Variants in TPD52L1 observed in about 807,000 individuals in gnomAD.
TPD52L1 encodes tumor protein D53.
TPD52L1 carries 18 observed loss-of-function variants against 28.7 expected under a neutral mutation model. The observed-to-expected ratio is 0.63, with a 90% CI of 0.43 to 0.93. The LOEUF (loss-of-function observed/expected upper bound fraction) is 0.93, where lower values mean the gene tolerates loss of function less well. TPD52L1 is among the 40% of genes least tolerant of loss of function. TPD52L1 has a pLI of 0.00. For synonymous variants in TPD52L1, 75 were observed against 88.8 expected (o/e 0.84, Z 0.88); for missense variants, 203 against 254.8 (o/e 0.80, Z 1.39).
intron 1 of TPD52L1, among the ~76,000 whole-genome samples, chr6:125,160,218 A>T (rs1163308801): frequency 1.3e-5 from 2 of 152,028 alleles, no homozygotes; most frequent in African/African-American, 4.8e-5. Flanking sequence ...AGAAAGAAAT[A>T]TTTTTTTTCT....
chr6:125,196,012 C>T (rs775546991), intron 1 of TPD52L1, among the ~76,000 whole-genome samples: 3 of 152,184 alleles, frequency 2.0e-5, no homozygotes, highest in Non-Finnish European at 2.9e-5. Context: ...ATGCCCCTTA[C>T]ATCATACTAT....
chr6:125,239,914 G>C (rs1325953680), intron 3 of TPD52L1, among the ~76,000 whole-genome samples: 3 of 152,150 alleles, frequency 2.0e-5, no homozygotes, highest in Non-Finnish European at 4.4e-5. Flanking sequence ...CCAAGGTCTA[G>C]AAGAGTTTTT....
At chr6:125,207,069 T>G (rs552110214) in intron 1 of TPD52L1, among the ~76,000 whole-genome samples, 1 of 152,216 alleles carries the variant, frequency 6.6e-6, no homozygotes, top group East Asian at 1.9e-4. Flanking sequence ...GTTTTTGTCT[T>G]AGGGGATTAA....
chr6:125,216,648 A>G (rs1794915084), intron 1 of TPD52L1, among the ~76,000 whole-genome samples: 1 of 150,144 alleles, frequency 6.7e-6, no homozygotes, highest in African/African-American at 2.4e-5. Flanking sequence ...GGGTAATATG[A>G]TTAATGTTGA....
intron 1 of TPD52L1, chr6:125,203,672 G>C (rs1361924326): frequency 1.0e-6 from 1 of 985,278 alleles, no homozygotes; most frequent in Admixed American, 6.2e-5. Flanking sequence ...ATGACCTCAG[G>C]TCAGGAATAA....
At chr6:125,242,120 T>C (rs978814204) in intron 3 of TPD52L1, among the ~76,000 whole-genome samples, 2 of 152,080 alleles carry the variant, frequency 1.3e-5, no homozygotes, top group African/African-American at 4.8e-5. Context: ...TATCTATATA[T>C]TTGTATAGTT....
At chr6:125,248,582 G>A (rs1562377785) in intron 4 of TPD52L1, 199 bp downstream of exon 4, 2 of 530,388 alleles carry the variant, frequency 3.8e-6, no homozygotes, top group Middle Eastern at 4.8e-4. Context: ...GGCTTAGGTG[G>A]CCTGGTCCCA....
At chr6:125,176,586 C>T (rs1791836481) in intron 1 of TPD52L1, among the ~76,000 whole-genome samples, 2 of 152,120 alleles carry the variant, frequency 1.3e-5, no homozygotes, top group African/African-American at 2.4e-5. Flanking sequence ...TGGCCTTATA[C>T]TAATACAGTA....
At chr6:125,228,596 T>G (rs1795759592) in intron 2 of TPD52L1, among the ~76,000 whole-genome samples, 1 of 152,088 alleles carries the variant, frequency 6.6e-6, no homozygotes, top group South Asian at 2.1e-4. Flanking sequence ...ATCCCAACAC[T>G]TTGGGAGGCC....
rs1198882785 is a variant in TPD52L1 at position 125,231,192 on chromosome 6, TA to T, written c.284+1927del. ...TCTGAACTTCCCTGTGGGGTATAAG[TA>T]CCAGGAAGACCTTCCTGCATGGCCT... On this transcript the variant is annotated intron_variant, in intron 3 of 6. Coordinates refer to ENST00000534000, the MANE Select transcript of TPD52L1 (RefSeq NM_003287.4). The T allele has an allele frequency of 3.3e-5, 5 of 152,330 alleles. No homozygotes were observed. In the Middle Eastern group the frequency reaches 0.01, roughly 311 times the overall value. The allele number at this position is 152,330 out of a possible 1,614,324, so 9.4% of individuals were successfully genotyped here.
chr6:125,217,997 AC>A (rs2080983609), intron 1 of TPD52L1, among the ~76,000 whole-genome samples: 1 of 152,080 alleles, frequency 6.6e-6, no homozygotes, highest in African/African-American at 2.4e-5. Context: ...CTGTTTATGA[AC>A]TTTTGTGTGA....
chr6:125,191,353 G>A lies in TPD52L1; in HGVS notation c.20-28725G>A, dbSNP rs3799760. On this transcript the variant is annotated intron_variant, in intron 1 of 6. Transcript: ENST00000534000. ...TGATGTGTTTCTGTGAAAGGGGGCA[G>A]CTTTTCCTTTTCTAAATGAAGAAGG... Among the ~76,000 whole-genome samples, 4 of 152,302 alleles carry A rather than the reference G, an allele frequency of 2.6e-5. No individual in the cohort carries two copies. The East Asian group carries it at 7.7e-4, about 29-fold the overall frequency.
At chr6:125,211,811 A>AGG (rs1280231165) in intron 1 of TPD52L1, among the ~76,000 whole-genome samples, 4 of 152,280 alleles carry the variant, frequency 2.6e-5, no homozygotes, top group Admixed American at 6.5e-5. Context: ...TCTACTACAC[A>AGG]CCTGATTCAA....
intron 1 of TPD52L1, among the ~76,000 whole-genome samples, chr6:125,185,471 G>A (rs1176895599): frequency 5.9e-5 from 9 of 152,052 alleles, no homozygotes; most frequent in Admixed American, 5.9e-4. Context: ...CTAGAAATAA[G>A]TATTAAAATA....
At chr6:125,207,388 T>C (rs1794222722) in intron 1 of TPD52L1, among the ~76,000 whole-genome samples, 1 of 152,224 alleles carries the variant, frequency 6.6e-6, no homozygotes, top group Admixed American at 6.5e-5. Flanking sequence ...TTCTGAACCA[T>C]CATTTCCTTT....
At chr6:125,210,557 T>C (rs1341015132) in intron 1 of TPD52L1, among the ~76,000 whole-genome samples, 2 of 146,172 alleles carry the variant, frequency 1.4e-5, no homozygotes, top group East Asian at 4.2e-4. Context: ...TTGTATGTAA[T>C]TACAGACTGC....
chr6:125,232,216 C>T (rs1328171852), intron 3 of TPD52L1, among the ~76,000 whole-genome samples: 4 of 152,160 alleles, frequency 2.6e-5, no homozygotes, highest in African/African-American at 9.7e-5. Context: ...ACTCACTAAC[C>T]TTTAGGAATG....
rs1794756459 is a variant in TPD52L1 at position 125,214,833 on chromosome 6, A to G, written c.20-5245A>G. 2.0e-5 allele frequency among the ~76,000 whole-genome samples: 3 copies of G among 152,190 alleles called. No homozygotes were observed. In the South Asian group the frequency reaches 6.2e-4, roughly 31 times the overall value. ...AAAATTTTATAGCATTTTCAAGTAT[A>G]TTATCTGATTTAACATCATTTAACC... On this transcript the variant is annotated intron_variant, in intron 1 of 6. Transcript: ENST00000534000.
chr6:125,183,229 G>A (rs568058538), intron 1 of TPD52L1, among the ~76,000 whole-genome samples: 150 of 152,266 alleles, frequency 9.9e-4, no homozygotes, highest in African/African-American at 3.5e-3. Flanking sequence ...TATAATCCCA[G>A]CATTTTGGGA....
Sources: gnomAD v4.1 joint callset for allele counts (sites outside exome capture counted in the v4.1 genomes callset) on GRCh38, gnomAD v4.1.1 for gene constraint, MANE v1.5 for transcripts, NCBI Gene and HGNC (gene_info 2026-07-23, HGNC 2026-07-21) for gene names.